The following IST1 variants were observed in gnomAD, a reference collection of about 807,000 sequenced individuals.
IST1 encodes the protein IST1 factor associated with ESCRT-III, also known as IST1 homolog.
In IST1, 23 loss-of-function variants were observed where a neutral mutation model predicts 37.0. The observed-to-expected ratio is 0.62, with a 90% CI of 0.45 to 0.88. The LOEUF (loss-of-function observed/expected upper bound fraction) is 0.88, where lower values mean the gene tolerates loss of function less well. Among genes scored for constraint, IST1 ranks in the 40% least tolerant of loss-of-function variants. The pLI, the probability that IST1 is intolerant of heterozygous loss-of-function variation, is 0.00. For missense variants in IST1, 488 were observed against 445.4 expected (o/e 1.10, Z -0.86); for synonymous variants, 180 against 161.7 (o/e 1.11, Z -0.86).
intron 1 of IST1, among the ~76,000 whole-genome samples, chr16:71,900,536 C>T (rs2037084978): frequency 6.6e-6 from 1 of 151,862 alleles, no homozygotes; most frequent in Non-Finnish European, 1.5e-5. Context: ...GAAGTCTCAG[C>T]GAGCTGAGTG....
chr16:71,919,396 T>C (rs2037531494), intron 4 of IST1, among the ~76,000 whole-genome samples: 1 of 152,180 alleles, frequency 6.6e-6, no homozygotes, highest in African/African-American at 2.4e-5. Flanking sequence ...TCCTTTAATT[T>C]ATTATTTGAG....
chr16:71,925,985 A>G (rs548000908), intron 9 of IST1, among the ~76,000 whole-genome samples: 1 of 152,042 alleles, frequency 6.6e-6, no homozygotes, highest in Non-Finnish European at 1.5e-5. Context: ...AGGGAAGAAT[A>G]CTTTTAAAAT....
chr16:71,926,216 A>T (rs2142608792), intron 9 of IST1, among the ~76,000 whole-genome samples: 1 of 151,282 alleles, frequency 6.6e-6, no homozygotes, highest in East Asian at 2.0e-4. Context: ...CGGGAAGCGG[A>T]GGTTGTAGTG....
Position 71,927,883 on chromosome 16 carries a change from TC to T in IST1, c.*71del. 1 of 1,095,524 alleles carries T rather than the reference TC, an allele frequency of 9.1e-7. No individual in the cohort carries two copies. The highest frequency in any genetic ancestry group is 1.4e-6 in the Non-Finnish European group (1 of 723,628). The allele number at this position is 1,095,524 out of a possible 1,614,324, so 67.9% of individuals were successfully genotyped here. ...AGCAATTTCTCCTTGTAACAAAGAA[TC>T]TCCATGAAATTCTGTTTCATCTGTT... On this transcript the variant is annotated 3_prime_UTR_variant, in exon 10 of 10. Transcript: ENST00000378799.
At chr16:71,898,122 C>G (rs1023875390) in intron 1 of IST1, among the ~76,000 whole-genome samples, 4 of 152,108 alleles carry the variant, frequency 2.6e-5, no homozygotes, top group African/African-American at 9.7e-5. Context: ...CGCCTGTAAT[C>G]CCAGCACTTT....
chr16:71,923,642 G>GATA, intron 8 of IST1: 1 of 331,490 alleles, frequency 3.0e-6, no homozygotes, highest in Middle Eastern at 9.0e-4. Flanking sequence ...AAGTTGTAGT[G>GATA]CTCTATGAGG....
intron 7 of IST1, chr16:71,922,993 G>A (rs1225383302): frequency 8.3e-6 from 4 of 484,210 alleles, no homozygotes; most frequent in Non-Finnish European, 1.5e-5. Context: ...ATTATTACCA[G>A]GCAGAACAAC....
At chr16:71,905,753 A>C (rs915600495) in intron 1 of IST1, among the ~76,000 whole-genome samples, 1 of 152,174 alleles carries the variant, frequency 6.6e-6, no homozygotes, top group South Asian at 2.1e-4. Flanking sequence ...TTACTATTCT[A>C]TAGATGATCT....
Position 71,922,506 on chromosome 16 carries a change from T to C in IST1, c.585T>C (p.Leu195=), listed in dbSNP as rs1330130115. Reference sequence around the variant, plus strand: ...CTCCTCCTGGGGTAGAGACAGATCTTATTGATGTTGGATTCACAGATGATG... The same window carrying C: ...CTCCTCCTGGGGTAGAGACAGATCTCATTGATGTTGGATTCACAGATGATG... The part of the protein sequence containing the change: ...AEAPPGVETD[L]IDVGFTDDVK... The change falls in exon 7 of 10, where the codon CTT becomes CTC. Residue 195 remains leucine (L), a synonymous_variant. Transcript: ENST00000378799. The C allele has an allele frequency of 2.5e-6, 4 of 1,614,060 alleles. No individual in the cohort carries two copies. In the East Asian group the frequency reaches 8.9e-5, roughly 36 times the overall value.
Position 71,930,308 on chromosome 16 carries a change from A to G in IST1, c.*2495A>G, listed in dbSNP as rs2037896093. On this transcript the variant is annotated 3_prime_UTR_variant, in exon 10 of 10. Transcript: ENST00000378799. ...GCTTATCCGAAGGAAACTTAGGGAG[A>G]GAGTCAAAAGATAATAAGAAGGAAA... 1.1e-6 allele frequency: 1 copy of G among 941,316 alleles called. No homozygotes were observed. The highest frequency in any genetic ancestry group is 1.5e-6 in the Non-Finnish European group (1 of 675,494). 58.3% of individuals were successfully genotyped at this position (941,316 alleles called of 1,614,324 possible). A position where few individuals can be genotyped will look rare whatever the true frequency, so the allele number is the denominator to read the frequency against.
At chr16:71,917,844 C>T (rs1209287309) in intron 4 of IST1, among the ~76,000 whole-genome samples, 1 of 151,962 alleles carries the variant, frequency 6.6e-6, no homozygotes, top group Admixed American at 6.6e-5. Flanking sequence ...TTCTAAGTCT[C>T]TGAGGATATT....
At position 71,895,882 on chromosome 16, in the gene IST1, C is replaced by T. The variant is rs373912625; in HGVS notation, c.-16+293C>T. Among the ~76,000 whole-genome samples, 17 of 152,358 alleles carry T rather than the reference C, an allele frequency of 1.1e-4. No individual in the cohort carries two copies. In the South Asian group the frequency reaches 2.3e-3, roughly 20 times the overall value. On this transcript the variant is annotated intron_variant, in intron 1 of 9. Transcript: ENST00000378799. ...GCCCCTTAACTTTCCCCTAGTCTTC[C>T]TGCCCCGAGGTGTGTCTTCCTTGGG...
chr16:71,920,915 C>T (rs777529231), intron 5 of IST1, 93 bp downstream of exon 5: 2 of 910,298 alleles, frequency 2.2e-6, no homozygotes, highest in South Asian at 1.3e-5. Context: ...CTGTATTGCT[C>T]AGTATGGGGT....
At chr16:71,925,413 T>C (rs1204129736) in intron 9 of IST1, among the ~76,000 whole-genome samples, 5 of 150,210 alleles carry the variant, frequency 3.3e-5, no homozygotes, top group African/African-American at 1.2e-4. Flanking sequence ...GCCTCCCGGG[T>C]TCAGGCTATT....
At chr16:71,904,561 A>G (rs1015319749) in intron 1 of IST1, among the ~76,000 whole-genome samples, 5 of 152,134 alleles carry the variant, frequency 3.3e-5, no homozygotes, top group African/African-American at 4.8e-5. Flanking sequence ...CTACAGGCAC[A>G]TGCTACCGTG....
chr16:71,923,358 C>A lies in IST1; in HGVS notation c.830C>A (p.Ala277Glu), dbSNP rs904453565. Residue 277 changes from alanine (A) to glutamate (E), a missense_variant, in exon 8 of 10, where the codon GCA becomes GAA. Physicochemically the swap from Ala to Glu is moderately radical, Grantham distance 107 (BLOSUM62 -1). Coordinates refer to ENST00000378799, the MANE Select transcript of IST1 (RefSeq NM_001270975.2). ...AATATTCATCCACCTCAGATACCAG[C>A]AACTCCCCCATCGTATGAATCTGTA... ...FPNIHPPQIP[A>E]TPPSYESVDD... The A allele has an allele frequency of 4.4e-6, 7 of 1,607,874 alleles. No individual in the cohort carries two copies. The highest frequency in any genetic ancestry group is 1.7e-5 in the Admixed American group (1 of 59,920).
At chr16:71,897,901 A>G (rs2037012238) in intron 1 of IST1, among the ~76,000 whole-genome samples, 1 of 152,188 alleles carries the variant, frequency 6.6e-6, no homozygotes, top group Non-Finnish European at 1.5e-5. Context: ...GTGAGCTGAG[A>G]TCGTGCCACT....
At chr16:71,895,106 A>T (rs1319360492), upstream of IST1, 3 of 357,834 alleles carry the variant, frequency 8.4e-6, no homozygotes, top group Non-Finnish European at 1.6e-5. Flanking sequence ...ACCCAGGGGG[A>T]AAGTCCAGCG....
chr16:71,895,003 G>A, upstream of IST1: 1 of 606,600 alleles, frequency 1.6e-6, no homozygotes, highest in Non-Finnish European at 2.9e-6. Context: ...CTTAAAAGCG[G>A]GGCGGGGGAA....
Sources: allele counts gnomAD v4.1 joint callset (sites outside exome capture counted in the v4.1 genomes callset), GRCh38; gene constraint gnomAD v4.1.1; transcripts MANE v1.5; gene names NCBI Gene and HGNC (gene_info 2026-07-23, HGNC 2026-07-21).